The following MCC variants were observed in gnomAD, a reference collection of about 807,000 sequenced individuals.
MCC encodes MCC regulator of Wnt signaling pathway.
Under a neutral mutation model 116.2 loss-of-function variants are expected in MCC, and 90 were observed. That is an observed-to-expected ratio of 0.77 (90% CI 0.65 to 0.92). The LOEUF is 0.92. MCC is among the 40% of genes least tolerant of loss of function. The pLI is 0.00. For missense variants in MCC, 1,516 were observed against 1,312.2 expected, an observed-to-expected ratio of 1.16 and a Z score of -2.40; for synonymous variants, 578 against 510.5, an observed-to-expected ratio of 1.13 and a Z score of -1.78.
Position 113,335,955 on chromosome 5 carries a change from T to C in MCC, c.627+4564A>G, listed in dbSNP as rs187583621. On this transcript the variant is annotated intron_variant, in intron 3 of 18. Coordinates refer to ENST00000408903, the MANE Select transcript of MCC (RefSeq NM_001085377.2). ...AGAATATCTGAAACCGGGTAATTTA[T>C]AATGAATAGAAATTTATTGGCTTAT... 2.1e-4 allele frequency among the ~76,000 whole-genome samples: 32 copies of C among 151,920 alleles called. No individual in the cohort carries two copies. The East Asian group carries it at 5.6e-3, about 27-fold the overall frequency.
At chr5:113,381,182 T>C (rs1158091281) in intron 2 of MCC, among the ~76,000 whole-genome samples, 1 of 152,178 alleles carries the variant, frequency 6.6e-6, no homozygotes, top group Admixed American at 6.5e-5. Flanking sequence ...GTGGGCAGAT[T>C]CTGGCTATAC....
intron 1 of MCC, among the ~76,000 whole-genome samples, chr5:113,417,271 A>C (rs1187782291): frequency 3.3e-5 from 5 of 152,118 alleles, no homozygotes; most frequent in Non-Finnish European, 7.4e-5. Flanking sequence ...CCCAGCAGTG[A>C]ATTGCTTTTT....
At chr5:113,236,541 T>C (rs936839805) in intron 3 of MCC, among the ~76,000 whole-genome samples, 2 of 152,228 alleles carry the variant, frequency 1.3e-5, no homozygotes. Flanking sequence ...CTAGGGTTGT[T>C]GAGGTAGTTG....
chr5:113,076,046 C>G (rs1350021962), intron 11 of MCC, among the ~76,000 whole-genome samples: 2 of 152,154 alleles, frequency 1.3e-5, no homozygotes, highest in East Asian at 3.9e-4. Flanking sequence ...TCAGAAGGAA[C>G]AAACTCCAGA....
chr5:113,103,735 T>A (rs1292923227), intron 7 of MCC, among the ~76,000 whole-genome samples: 1 of 152,186 alleles, frequency 6.6e-6, no homozygotes, highest in Non-Finnish European at 1.5e-5. Flanking sequence ...GACTTTCCCA[T>A]CATTCACAAT....
At chr5:113,335,518 G>T (rs1767849058) in intron 3 of MCC, among the ~76,000 whole-genome samples, 1 of 151,588 alleles carries the variant, frequency 6.6e-6, no homozygotes, top group East Asian at 1.9e-4. Context: ...TTATGTTTTA[G>T]AATACTTACA....
intron 18 of MCC, among the ~76,000 whole-genome samples, 195 bp from the exon 19 acceptor site, chr5:113,027,677 C>T (rs1750655131): frequency 6.6e-6 from 1 of 151,734 alleles, no homozygotes; most frequent in African/African-American, 2.4e-5. Context: ...GGCCAGTCAC[C>T]TACTGGCTTA....
At chr5:113,481,715 G>A (rs956832288) in intron 1 of MCC, among the ~76,000 whole-genome samples, 1 of 151,946 alleles carries the variant, frequency 6.6e-6, no homozygotes, top group Non-Finnish European at 1.5e-5. Context: ...CTCCAGCCTG[G>A]GTGACAGAGT....
At chr5:113,163,655 G>A (rs1270489600) in intron 3 of MCC, among the ~76,000 whole-genome samples, 1 of 152,062 alleles carries the variant, frequency 6.6e-6, no homozygotes, top group African/African-American at 2.4e-5. Context: ...CCTGGCACAT[G>A]GTAGAATTTC....
At chr5:113,234,460 G>A (rs1764058389) in intron 3 of MCC, 1 of 152,154 alleles carries the variant, frequency 6.6e-6, no homozygotes. Flanking sequence ...TGTGGAGTGT[G>A]ACTAGAAGTG....
chr5:113,149,242 A>G lies in MCC; in HGVS notation c.741+2067T>C, dbSNP rs560404754. Among the ~76,000 whole-genome samples, 4 of 152,148 alleles carry G rather than the reference A, an allele frequency of 2.6e-5. No individual in the cohort carries two copies. In the East Asian group the frequency reaches 7.7e-4, roughly 29 times the overall value. On this transcript the variant is annotated intron_variant, in intron 4 of 18. Transcript: ENST00000408903. ...TATAAAAATAACTATTTTCTCTTAA[A>G]AAAAAAACACTGTAAAACAAAAAAA... is the stretch of plus-strand genomic sequence containing the variant.
intron 3 of MCC, among the ~76,000 whole-genome samples, chr5:113,168,794 G>C (rs961105523): frequency 6.6e-6 from 1 of 152,012 alleles, no homozygotes; most frequent in East Asian, 1.9e-4. Flanking sequence ...GCAGAGAACG[G>C]GGCAGGGGCA....
At chr5:113,037,963 G>A (rs1240772659) in intron 17 of MCC, among the ~76,000 whole-genome samples, 1 of 152,172 alleles carries the variant, frequency 6.6e-6, no homozygotes, top group Non-Finnish European at 1.5e-5. Flanking sequence ...CTTATGCAGA[G>A]CACCCTAATC....
At chr5:113,087,063 C>T (rs778228554) in intron 8 of MCC, among the ~76,000 whole-genome samples, 52 of 152,188 alleles carry the variant, frequency 3.4e-4, no homozygotes, top group Non-Finnish European at 6.5e-4. Context: ...AGCCATGCCC[C>T]GGTGCCAGCC....
intron 1 of MCC, among the ~76,000 whole-genome samples, chr5:113,486,267 A>C (rs984550416): frequency 1.3e-5 from 2 of 152,240 alleles, no homozygotes; most frequent in Non-Finnish European, 2.9e-5. Flanking sequence ...ACTTTTAAGC[A>C]GACACATTAA....
chr5:113,466,096 T>C (rs981111597), intron 1 of MCC, among the ~76,000 whole-genome samples: 1 of 152,006 alleles, frequency 6.6e-6, no homozygotes, highest in Non-Finnish European at 1.5e-5. Flanking sequence ...GTGTGAGCCA[T>C]AGCTAGAGTC....
chr5:113,376,429 C>A (rs1768980450), intron 2 of MCC, among the ~76,000 whole-genome samples: 1 of 152,008 alleles, frequency 6.6e-6, no homozygotes, highest in African/African-American at 2.4e-5. Flanking sequence ...CACAATGTGG[C>A]TGATAATTGC....
At chr5:113,098,419 C>G (rs991279360) in intron 8 of MCC, among the ~76,000 whole-genome samples, 1 of 152,174 alleles carries the variant, frequency 6.6e-6, no homozygotes, top group East Asian at 1.9e-4. Flanking sequence ...CTGTCTGGCA[C>G]AGAGATGACC....
chr5:113,062,896 C>T (rs934438416), intron 14 of MCC, among the ~76,000 whole-genome samples: 1 of 152,156 alleles, frequency 6.6e-6, no homozygotes, highest in Admixed American at 6.5e-5. Flanking sequence ...CTTTCCAGCA[C>T]CAAGAAAGCA....
Sources: gnomAD v4.1 joint callset for allele counts (sites outside exome capture counted in the v4.1 genomes callset) on GRCh38, gnomAD v4.1.1 for gene constraint, MANE v1.5 for transcripts, NCBI Gene and HGNC (gene_info 2026-07-23, HGNC 2026-07-21) for gene names.